Variants in JAKMIP2 observed in about 807,000 individuals in gnomAD.
JAKMIP2 encodes janus kinase and microtubule interacting protein 2.
A neutral mutation model predicts 115.0 loss-of-function variants in JAKMIP2; 25 were observed. The ratio of observed to expected loss-of-function variants is 0.22; its 90% CI spans 0.16 to 0.30. The LOEUF is 0.30. Ranked by LOEUF, JAKMIP2 falls within the 10% of genes least tolerant of loss-of-function variation. The pLI is 1.00. For missense variants in JAKMIP2, 642 were observed against 957.6 expected (o/e 0.67, Z 4.35); for synonymous variants, 334 against 343.6 (o/e 0.97, Z 0.31).
chr5:147,773,405 T>C lies in JAKMIP2; in HGVS notation c.-149+9051A>G, dbSNP rs537726605. 2.0e-5 allele frequency among the ~76,000 whole-genome samples: 3 copies of C among 152,184 alleles called. No homozygotes were observed. In the East Asian group the frequency reaches 5.8e-4, roughly 30 times the overall value. On this transcript the variant is annotated intron_variant, in intron 1 of 21. Coordinates refer to ENST00000616793, the MANE Select transcript of JAKMIP2 (RefSeq NM_001270941.2). ...AGTTGACTACACGGCCAAAGATCAA[T>C]GTTTCAAAGCAAGAGGATTATACAA...
chr5:147,735,323 G>C (rs1051830916), intron 1 of JAKMIP2, among the ~76,000 whole-genome samples: 4 of 152,212 alleles, frequency 2.6e-5, no homozygotes, highest in South Asian at 2.1e-4. Flanking sequence ...CTGTTCTCAG[G>C]CTGCTAATAA....
intron 1 of JAKMIP2, among the ~76,000 whole-genome samples, chr5:147,692,369 T>C (rs1369573573): frequency 6.6e-6 from 1 of 152,142 alleles, no homozygotes; most frequent in African/African-American, 2.4e-5. Context: ...TCCAGAACTG[T>C]GAGAGGATAC....
intron 1 of JAKMIP2, among the ~76,000 whole-genome samples, chr5:147,762,037 C>T (rs1754945774): frequency 6.6e-6 from 1 of 151,190 alleles, no homozygotes; most frequent in Non-Finnish European, 1.5e-5. Context: ...ATAGGCTTCA[C>T]AGACAAGTGA....
At chr5:147,733,174 A>G (rs1753796337) in intron 1 of JAKMIP2, among the ~76,000 whole-genome samples, 1 of 152,212 alleles carries the variant, frequency 6.6e-6, no homozygotes, top group Non-Finnish European at 1.5e-5. Flanking sequence ...TTATTGAGTA[A>G]ATGTGGACAA....
intron 1 of JAKMIP2, among the ~76,000 whole-genome samples, chr5:147,672,627 G>A (rs1269442846): frequency 1.3e-5 from 2 of 152,122 alleles, no homozygotes; most frequent in South Asian, 2.1e-4. Flanking sequence ...AATCTGATAA[G>A]AGTTTTTTAA....
intron 1 of JAKMIP2, among the ~76,000 whole-genome samples, chr5:147,755,132 A>T (rs570715188): frequency 3.9e-5 from 6 of 152,324 alleles, no homozygotes; most frequent in African/African-American, 1.4e-4. Context: ...GACAAATCCA[A>T]GAGTTTTGAA....
chr5:147,718,571 C>A (rs1753116434), intron 1 of JAKMIP2, among the ~76,000 whole-genome samples: 1 of 151,160 alleles, frequency 6.6e-6, no homozygotes. Flanking sequence ...CTGGTTTAGT[C>A]TTGGGAGAGT....
intron 1 of JAKMIP2, among the ~76,000 whole-genome samples, chr5:147,731,660 T>C (rs1288045063): frequency 6.6e-6 from 1 of 152,224 alleles, no homozygotes; most frequent in Non-Finnish European, 1.5e-5. Context: ...AATCGTCATG[T>C]TTACCCAGGA....
intron 20 of JAKMIP2, among the ~76,000 whole-genome samples, chr5:147,606,211 AT>A (rs113267804): frequency 0.16 from 24,258 of 151,670 alleles, 2,165 homozygotes; most frequent in East Asian, 0.33. Flanking sequence ...TCAATTTTGG[AT>A]TTTGTTGCCA....
chr5:147,640,855 A>C (rs771550488), intron 8 of JAKMIP2, 32 bp from the exon 9 acceptor site: 1 of 1,603,178 alleles, frequency 6.2e-7, no homozygotes, highest in South Asian at 1.1e-5. Flanking sequence ...ATTTACTGAC[A>C]TAGCTAACAG....
intron 1 of JAKMIP2, among the ~76,000 whole-genome samples, chr5:147,722,780 A>T (rs1270065258): frequency 6.6e-6 from 1 of 152,170 alleles, no homozygotes. Context: ...TGTTCTCTTG[A>T]TGCCAAGGTA....
intron 10 of JAKMIP2, among the ~76,000 whole-genome samples, chr5:147,637,410 T>C (rs1363096302): frequency 6.7e-6 from 1 of 149,930 alleles, no homozygotes; most frequent in African/African-American, 2.5e-5. Context: ...AAAGCCTTGT[T>C]CCATTTTGCC....
intron 1 of JAKMIP2, among the ~76,000 whole-genome samples, chr5:147,770,345 A>G (rs1297382079): frequency 6.6e-6 from 1 of 152,064 alleles, no homozygotes; most frequent in African/African-American, 2.4e-5. Context: ...GAGGTTCTAA[A>G]TGGGTTTACA....
intron 4 of JAKMIP2, among the ~76,000 whole-genome samples, chr5:147,648,963 A>G (rs1054869787): frequency 6.6e-6 from 1 of 152,194 alleles, no homozygotes; most frequent in Non-Finnish European, 1.5e-5. Flanking sequence ...AAAAAGGTCA[A>G]GGTGAGAAAA....
At position 147,707,596 on chromosome 5, in the gene JAKMIP2, A is replaced by AGTGTTTCCAGT. The variant is rs1561550440; in HGVS notation, c.-148-35643_-148-35642insACTGGAAACAC. Among the ~76,000 whole-genome samples, 14 of 152,216 alleles carry AGTGTTTCCAGT rather than the reference A, an allele frequency of 9.2e-5. No homozygotes were observed. The East Asian group carries it at 2.5e-3, about 27-fold the overall frequency. ...TGTTGCTCCCAGAACTGAAATATGT[A>AGTGTTTCCAGT]GCTACCAGTGTTTCCCTAGCATTGG... is the stretch of plus-strand genomic sequence containing the variant. On this transcript the variant is annotated intron_variant, in intron 1 of 21. Transcript: ENST00000616793.
intron 16 of JAKMIP2, among the ~76,000 whole-genome samples, chr5:147,628,301 C>T (rs1435182687): frequency 6.6e-6 from 1 of 152,090 alleles, no homozygotes; most frequent in East Asian, 1.9e-4. Context: ...CTGACAGTCT[C>T]TATGTCGGAC....
At chr5:147,603,820 A>T (rs556275477) in intron 20 of JAKMIP2, among the ~76,000 whole-genome samples, 1 of 152,366 alleles carries the variant, frequency 6.6e-6, no homozygotes, top group Admixed American at 6.5e-5. Context: ...TTGAATTCCA[A>T]CAATGAACAT....
chr5:147,736,903 G>A (rs1753945558), intron 1 of JAKMIP2, among the ~76,000 whole-genome samples: 1 of 152,154 alleles, frequency 6.6e-6, no homozygotes, highest in Non-Finnish European at 1.5e-5. Flanking sequence ...GGTAAGATTT[G>A]AGTTGTGCTT....
intron 1 of JAKMIP2, among the ~76,000 whole-genome samples, chr5:147,690,184 CACAAACAA>C (rs983645269): frequency 1.3e-5 from 2 of 151,732 alleles, no homozygotes; most frequent in African/African-American, 4.8e-5. Flanking sequence ...ACCCTGTTTC[CACAAACAA>C]ACAAACAAAC....
Sources: allele counts gnomAD v4.1 joint callset (sites outside exome capture counted in the v4.1 genomes callset), GRCh38; gene constraint gnomAD v4.1.1; transcripts MANE v1.5; gene names NCBI Gene and HGNC (gene_info 2026-07-23, HGNC 2026-07-21).